Variants in PPP1R12A observed in about 807,000 individuals in gnomAD.
PPP1R12A encodes the protein myosin binding subunit.
PPP1R12A carries 19 observed loss-of-function variants against 139.6 expected under a neutral mutation model. The observed-to-expected ratio is 0.14, with a 90% CI of 0.09 to 0.20. PPP1R12A has a LOEUF of 0.20. Ranked by LOEUF, PPP1R12A falls within the 10% of genes least tolerant of loss-of-function variation. The pLI, the probability that PPP1R12A is intolerant of heterozygous loss-of-function variation, is 1.00. For missense variants in PPP1R12A, 925 were observed against 1,211.5 expected (o/e 0.76, Z 3.51); for synonymous variants, 427 against 420.6 (o/e 1.02, Z -0.19).
intron 9 of PPP1R12A, 74 bp downstream of exon 9, chr12:79,817,320 T>A: frequency 7.3e-7 from 1 of 1,368,566 alleles, no homozygotes; most frequent in Non-Finnish European, 9.9e-7. Flanking sequence ...AAATTCAGAA[T>A]TACTTTAATG....
At chr12:79,890,881 C>T (rs1884523189) in intron 1 of PPP1R12A, among the ~76,000 whole-genome samples, 1 of 148,344 alleles carries the variant, frequency 6.7e-6, no homozygotes, top group African/African-American at 2.5e-5. Context: ...CAAGAATACA[C>T]ACACACCACC....
chr12:79,925,513 G>A (rs975386582), intron 1 of PPP1R12A, among the ~76,000 whole-genome samples: 5 of 152,176 alleles, frequency 3.3e-5, no homozygotes, highest in African/African-American at 1.2e-4. Context: ...TTTATTAAGT[G>A]AAGCTCTCTC....
At chr12:79,888,546 A>G (rs1884312258) in intron 1 of PPP1R12A, among the ~76,000 whole-genome samples, 1 of 152,152 alleles carries the variant, frequency 6.6e-6, no homozygotes, top group Non-Finnish European at 1.5e-5. Flanking sequence ...AAATGCAGTT[A>G]CATAGAAGCA....
At chr12:79,844,029 T>C (rs951979863) in intron 3 of PPP1R12A, among the ~76,000 whole-genome samples, 4 of 152,066 alleles carry the variant, frequency 2.6e-5, no homozygotes, top group Admixed American at 6.5e-5. Context: ...TATACATACA[T>C]ATATATACAC....
Position 79,778,613 on chromosome 12 carries a change from A to G in PPP1R12A, c.2956-13T>C. 1 of 1,499,202 alleles carries G rather than the reference A, an allele frequency of 6.7e-7. No individual in the cohort carries two copies. Among genetic ancestry groups the G allele is most frequent in the Non-Finnish European group, 9.0e-7 (1 of 1,111,754 alleles). 92.9% of individuals were successfully genotyped at this position (1,499,202 alleles called of 1,614,324 possible). ...GAGCTCTTCGTTCCTAGATCGATTT[A>G]AGGTACCAATGTTAGTTATATAATT... On this transcript the variant is annotated splice_polypyrimidine_tract_variant and intron_variant, in intron 23 of 24. Transcript: ENST00000450142.
intron 1 of PPP1R12A, among the ~76,000 whole-genome samples, chr12:79,890,850 C>T (rs1884519374): frequency 1.3e-5 from 2 of 150,834 alleles, no homozygotes; most frequent in Non-Finnish European, 3.0e-5. Flanking sequence ...CTCCAGTATA[C>T]ATAGGTAACT....
chr12:79,781,873 G>A lies in PPP1R12A; in HGVS notation c.2908-11C>T. On this transcript the variant is annotated splice_polypyrimidine_tract_variant and intron_variant, in intron 22 of 24. Transcript: ENST00000450142. ...AAATCTTTCTTGTCTCTGCAACAAA[G>A]TAAGAAATTATAAAAGAGATAAGTG... 1 of 1,527,024 alleles carries A rather than the reference G, an allele frequency of 6.5e-7. No homozygotes were observed. Among genetic ancestry groups the A allele is most frequent in the South Asian group, 1.2e-5 (1 of 80,136 alleles). 94.6% of individuals were successfully genotyped at this position (1,527,024 alleles called of 1,614,324 possible).
At chr12:79,905,348 C>CCCA (rs1555244682) in intron 1 of PPP1R12A, among the ~76,000 whole-genome samples, 4 of 115,586 alleles carry the variant, frequency 3.5e-5, no homozygotes, top group Admixed American at 2.5e-4. Context: ...CGCCCCCCCC[C>CCCA]ACCCCTTTTT....
At chr12:79,839,203 T>G (rs547301126) in intron 3 of PPP1R12A, among the ~76,000 whole-genome samples, 5 of 152,244 alleles carry the variant, frequency 3.3e-5, no homozygotes, top group African/African-American at 1.2e-4. Flanking sequence ...ATGGGGCTTA[T>G]AGCCTCTTTG....
At chr12:79,852,583 G>A (rs1239886503) in intron 2 of PPP1R12A, among the ~76,000 whole-genome samples, 3 of 152,156 alleles carry the variant, frequency 2.0e-5, no homozygotes, top group Non-Finnish European at 2.9e-5. Context: ...GGCTTTGTTT[G>A]ATTTTGCTCC....
intron 2 of PPP1R12A, among the ~76,000 whole-genome samples, chr12:79,850,749 C>T (rs1879943424): frequency 6.6e-6 from 1 of 152,126 alleles, no homozygotes; most frequent in South Asian, 2.1e-4. Flanking sequence ...TGGTTTAGCA[C>T]CATCCTCTTA....
chr12:79,851,087 A>G (rs373358463), intron 2 of PPP1R12A, among the ~76,000 whole-genome samples: 33 of 152,354 alleles, frequency 2.2e-4, no homozygotes, highest in African/African-American at 7.7e-4. Context: ...ACAAAGTTTT[A>G]AAAATCAGAA....
At chr12:79,864,188 C>A (rs892117745) in intron 2 of PPP1R12A, among the ~76,000 whole-genome samples, 5 of 152,182 alleles carry the variant, frequency 3.3e-5, no homozygotes, top group African/African-American at 1.2e-4. Flanking sequence ...AAGAAACTCA[C>A]TCAAAACCAC....
intron 1 of PPP1R12A, among the ~76,000 whole-genome samples, chr12:79,879,075 C>T (rs528299033): frequency 5.3e-5 from 8 of 152,004 alleles, no homozygotes; most frequent in South Asian, 4.2e-4. Flanking sequence ...AAGCATTAAA[C>T]GGTAATGTGG....
intron 1 of PPP1R12A, chr12:79,878,556 A>ATG (rs1883333109): frequency 6.6e-6 from 1 of 152,174 alleles, no homozygotes; most frequent in Non-Finnish European, 1.5e-5. Context: ...ATAAAGACAT[A>ATG]CCAGAGACTG....
At chr12:79,872,685 G>T in intron 2 of PPP1R12A, 123 bp downstream of exon 2, 2 of 1,114,342 alleles carry the variant, frequency 1.8e-6, no homozygotes, top group South Asian at 1.9e-5. Context: ...TTCTTTCTTG[G>T]AAAGAATAAT....
chr12:79,777,276 C>A (rs1055611510), intron 24 of PPP1R12A: 7 of 972,124 alleles, frequency 7.2e-6, no homozygotes, highest in African/African-American at 1.8e-5. Context: ...AAAAGCTTTA[C>A]AAAAGTACAG....
At position 79,778,538 on chromosome 12, in the gene PPP1R12A, T is replaced by C. The variant is rs1275106661; in HGVS notation, c.3006+12A>G. 1.5e-5 allele frequency: 23 copies of C among 1,497,992 alleles called. No individual in the cohort carries two copies. Among genetic ancestry groups the C allele is most frequent in the Non-Finnish European group, 2.0e-5 (22 of 1,108,364 alleles). The allele number at this position is 1,497,992 out of a possible 1,614,324, so 92.8% of individuals were successfully genotyped here. On this transcript the variant is annotated intron_variant, in intron 24 of 24. Coordinates refer to ENST00000450142, the MANE Select transcript of PPP1R12A (RefSeq NM_002480.3). ...ACAGCACTCTCTCTCATAAGTAACATAGTTTACTTACTTTGAGCTCTTCTT... is the reference window on the plus strand; with the variant it reads ...ACAGCACTCTCTCTCATAAGTAACACAGTTTACTTACTTTGAGCTCTTCTT...
chr12:79,831,132 C>T (rs1877368518), intron 4 of PPP1R12A, among the ~76,000 whole-genome samples: 1 of 151,702 alleles, frequency 6.6e-6, no homozygotes, highest in South Asian at 2.1e-4. Context: ...ATGTAATACT[C>T]TTTAATACTT....
Sources: gnomAD v4.1 joint callset for allele counts (sites outside exome capture counted in the v4.1 genomes callset) on GRCh38, gnomAD v4.1.1 for gene constraint, MANE v1.5 for transcripts, NCBI Gene and HGNC (gene_info 2026-07-23, HGNC 2026-07-21) for gene names.